WDFY4: variants seen among roughly 807,000 people sequenced by gnomAD.
WDFY4 encodes the protein WDFY family member 4, also known as WD repeat- and FYVE domain-containing protein 4.
In WDFY4, 169 loss-of-function variants were observed where a neutral mutation model predicts 351.9. The observed-to-expected ratio is 0.48, with a 90% CI of 0.42 to 0.55. The LOEUF (loss-of-function observed/expected upper bound fraction) is 0.55. Ranked by LOEUF, WDFY4 falls within the 20% of genes least tolerant of loss-of-function variation. The pLI, the probability that WDFY4 is intolerant of heterozygous loss-of-function variation, is 0.00. For synonymous variants in WDFY4, 1,622 were observed against 1,574.6 expected (o/e 1.03, Z -0.71); for missense variants, 3,803 against 3,935.6 (o/e 0.97, Z 0.90).
intron 18 of WDFY4, 147 bp from the exon 19 acceptor site, chr10:48,779,794 C>T (rs2066158226): frequency 1.4e-6 from 1 of 736,356 alleles, no homozygotes; most frequent in Non-Finnish European, 2.2e-6. Context: ...GCTATTGCTG[C>T]TGCTGTTGTC....
rs572018234 is a variant in WDFY4, at chr10:48,887,279, T to C, written c.7168-3300T>C. On this transcript the variant is annotated intron_variant, in intron 43 of 61. Transcript: ENST00000325239. ...GGGCTGGCATTGCAGAGCCACATCATCTCATCATGTGAACCTGAGGTTGGG... is the reference window on the plus strand; with the variant it reads ...GGGCTGGCATTGCAGAGCCACATCACCTCATCATGTGAACCTGAGGTTGGG... Among the ~76,000 whole-genome samples the C allele has an allele frequency of 2.0e-5, 3 of 152,278 alleles. No homozygotes were observed. In the South Asian group the frequency reaches 6.2e-4, roughly 32 times the overall value.
chr10:48,981,954 G>T (rs940502935), intron 61 of WDFY4, among the ~76,000 whole-genome samples: 2 of 152,198 alleles, frequency 1.3e-5, no homozygotes, highest in Admixed American at 1.3e-4. Context: ...CATGGAGGTG[G>T]TTACTGTCAT....
rs1254508856 is a variant in WDFY4 at position 48,957,263 on chromosome 10, C to A, written c.8112C>A (p.Asn2704Lys). 6.4e-7 allele frequency: 1 copy of A among 1,551,608 alleles called. No individual in the cohort carries two copies. The highest frequency in any genetic ancestry group is 8.7e-7 in the Non-Finnish European group (1 of 1,146,890). ...EFFYLPEFLT[N>K]CNGVEFGCMQ... ...TCTACCTGCCTGAGTTCTTAACCAACTGCAACGGGGTAGAGTTCGGTAAGT... is the reference window on the plus strand; with the variant it reads ...TCTACCTGCCTGAGTTCTTAACCAAATGCAACGGGGTAGAGTTCGGTAAGT... The change falls in exon 52 of 62, where the codon AAC becomes AAA. Residue 2704 changes from asparagine to lysine, a missense_variant. Coordinates refer to ENST00000325239, the MANE Select transcript of WDFY4 (RefSeq NM_001394531.1).
At chr10:48,806,118 G>A (rs978367009) in intron 27 of WDFY4, 23 bp downstream of exon 27, 9 of 1,550,172 alleles carry the variant, frequency 5.8e-6, no homozygotes, top group African/African-American at 2.7e-5. Context: ...TTGCCAGTTC[G>A]AAGGCAGTAG....
rs1443247793 is a variant in WDFY4 at position 48,901,881 on chromosome 10, T to A, written c.7586+18T>A. 4 of 1,550,486 alleles carry A rather than the reference T, an allele frequency of 2.6e-6. No individual in the cohort carries two copies. The highest frequency in any genetic ancestry group is 2.4e-5 in the South Asian group (2 of 84,028). ...AGTCTAAGGTAATGGCGGGTAGCCA[T>A]GCTGTCTGGGCATGGCACTGCCCTG... On this transcript the variant is annotated intron_variant, in intron 47 of 61. Transcript: ENST00000325239.
At chr10:48,815,559 G>A (rs2067591716) in intron 31 of WDFY4, among the ~76,000 whole-genome samples, 1 of 151,968 alleles carries the variant, frequency 6.6e-6, no homozygotes, top group Non-Finnish European at 1.5e-5. Flanking sequence ...CTCAGGCTCG[G>A]ATGATTCTCC....
At chr10:48,914,867 A>G (rs539233236) in intron 47 of WDFY4, among the ~76,000 whole-genome samples, 1 of 152,288 alleles carries the variant, frequency 6.6e-6, no homozygotes, top group Admixed American at 6.5e-5. Context: ...ATGAGCACAC[A>G]GGGGGATGGG....
In WDFY4 at chr10:48,735,986, C is replaced by G. The variant is rs577133355; in HGVS notation, c.1794C>G (p.Asn598Lys). The change falls in exon 11 of 62, where the codon AAC (asparagine) becomes AAG (lysine). Residue 598 changes from asparagine to lysine, a missense_variant. Transcript: ENST00000325239. The part of the protein sequence containing the change: ...LSILEQLSAI[N>K]AEEYMSIIVG... ...TCTTGGAGCAGCTCTCAGCCATCAA[C>G]GCCGAGGAGTACATGAGCATCATTG... The G allele has an allele frequency of 6.4e-7, 1 of 1,551,772 alleles. No individual in the cohort carries two copies. Among genetic ancestry groups the G allele is most frequent in the Non-Finnish European group, 8.7e-7 (1 of 1,147,060 alleles).
chr10:48,781,083 G>T (rs1403448410), intron 19 of WDFY4, among the ~76,000 whole-genome samples: 1 of 152,090 alleles, frequency 6.6e-6, no homozygotes, highest in Non-Finnish European at 1.5e-5. Context: ...TACCCTGGGG[G>T]TCAAAGTTGT....
chr10:48,729,621 G>A, intron 8 of WDFY4, 32 bp downstream of exon 8: 1 of 1,550,086 alleles, frequency 6.5e-7, no homozygotes, highest in Non-Finnish European at 8.7e-7. Context: ...GTGACCGGAA[G>A]AGTCAGTGCT....
At chr10:48,694,702 C>T (rs998358625) in intron 1 of WDFY4, among the ~76,000 whole-genome samples, 6 of 152,180 alleles carry the variant, frequency 3.9e-5, no homozygotes, top group Admixed American at 1.3e-4. Context: ...TGCACTCACT[C>T]AACCCCTGAG....
At chr10:48,777,917 G>A (rs572161346) in intron 17 of WDFY4, among the ~76,000 whole-genome samples, 8 of 152,278 alleles carry the variant, frequency 5.3e-5, no homozygotes, top group Admixed American at 2.0e-4. Flanking sequence ...GGCTCATTTC[G>A]CTGGTGACTG....
intron 51 of WDFY4, among the ~76,000 whole-genome samples, chr10:48,950,768 C>A (rs1208132494): frequency 6.6e-6 from 1 of 152,238 alleles, no homozygotes. Flanking sequence ...TGCAGCATCA[C>A]ACACAGGTGC....
At chr10:48,847,691 A>G (rs991505695) in intron 39 of WDFY4, among the ~76,000 whole-genome samples, 3 of 152,336 alleles carry the variant, frequency 2.0e-5, no homozygotes, top group South Asian at 4.1e-4. Flanking sequence ...AAAGGAAAGC[A>G]GAGAGGAGAG....
intron 13 of WDFY4, among the ~76,000 whole-genome samples, chr10:48,772,365 G>A (rs1208061212): frequency 6.6e-6 from 1 of 152,090 alleles, no homozygotes; most frequent in Non-Finnish European, 1.5e-5. Context: ...GTGTGGATGT[G>A]TGTGTGGACA....
intron 23 of WDFY4, among the ~76,000 whole-genome samples, chr10:48,795,722 A>C (rs2066851623): frequency 6.6e-6 from 1 of 151,942 alleles, no homozygotes; most frequent in South Asian, 2.1e-4. Context: ...CTCAAGGCTC[A>C]TATGCCAATG....
intron 61 of WDFY4, 80 bp from the exon 62 acceptor site, chr10:48,982,429 G>T (rs1411156003): frequency 2.4e-6 from 3 of 1,276,054 alleles, no homozygotes; most frequent in African/African-American, 3.0e-5. Context: ...TAGAGCCCCA[G>T]AGTTGCAATA....
intron 12 of WDFY4, 140 bp downstream of exon 12, chr10:48,743,688 A>C: frequency 9.9e-7 from 1 of 1,010,462 alleles, no homozygotes; most frequent in Non-Finnish European, 1.4e-6. Flanking sequence ...ACTTCCTCAA[A>C]TCAAGTTAGC....
chr10:48,959,675 G>A (rs1353233846), intron 52 of WDFY4, 47 bp from the exon 53 acceptor site: 1 of 1,515,046 alleles, frequency 6.6e-7, no homozygotes, highest in Admixed American at 2.0e-5. Context: ...CCAGTTCCTA[G>A]CCTGATTTGA....
Sources: allele counts gnomAD v4.1 joint callset (sites outside exome capture counted in the v4.1 genomes callset), GRCh38; gene constraint gnomAD v4.1.1; transcripts MANE v1.5; gene names NCBI Gene and HGNC (gene_info 2026-07-23, HGNC 2026-07-21).